Variants in LGI2 observed in about 807,000 individuals in gnomAD.
The protein encoded by LGI2 is leucine rich repeat LGI family member 2, also known as leucine-rich repeat LGI family member 2.
A neutral mutation model predicts 52.0 loss-of-function variants in LGI2; 30 were observed. The ratio of observed to expected loss-of-function variants is 0.58; its 90% CI spans 0.43 to 0.78. The LOEUF (loss-of-function observed/expected upper bound fraction) is 0.78, where lower values mean the gene tolerates loss of function less well. Ranked by LOEUF, LGI2 falls within the 30% of genes least tolerant of loss-of-function variation. The pLI, the probability that LGI2 is intolerant of heterozygous loss-of-function variation, is 0.00. For synonymous variants in LGI2, 270 were observed against 271.8 expected, an observed-to-expected ratio of 0.99 and a Z score of 0.06; for missense variants, 573 against 692.5, an observed-to-expected ratio of 0.83 and a Z score of 1.94.
Position 24,999,724 on chromosome 4 carries a change from C to T in LGI2, c.*3727G>A. On this transcript the variant is annotated 3_prime_UTR_variant, in exon 8 of 8. Coordinates refer to ENST00000382114, the MANE Select transcript of LGI2 (RefSeq NM_018176.4). ...TCATGAGCACTCCTGACCGCCAAAC[C>T]TCTGGCATCCCATGCTGATTTCTTT... 2.3e-6 allele frequency: 1 copy of T among 440,908 alleles called. No homozygotes were observed. Among genetic ancestry groups the T allele is most frequent in the Non-Finnish European group, 4.6e-6 (1 of 218,666 alleles). The allele number at this position is 440,908 out of a possible 1,614,324, so 27.3% of individuals were successfully genotyped here.
At chr4:25,010,728 G>A (rs1381549666) in intron 7 of LGI2, among the ~76,000 whole-genome samples, 1 of 152,194 alleles carries the variant, frequency 6.6e-6, no homozygotes, top group South Asian at 2.1e-4. Context: ...CTTCCAATGG[G>A]ATAAACTAGG....
At position 25,000,854 on chromosome 4, in the gene LGI2, CAGA is replaced by C. The variant is rs377673180; in HGVS notation, c.*2594_*2596del. 6.6e-5 allele frequency: 10 copies of C among 152,290 alleles called. No individual in the cohort carries two copies. The East Asian group carries it at 1.9e-3, about 29-fold the overall frequency. 9.4% of individuals were successfully genotyped at this position (152,290 alleles called of 1,614,324 possible). ...ATTATTACTGGAAGAATGCTTCTTG[CAGA>C]AGTTGTTTAAAACTTCAGGGATTCT... On this transcript the variant is annotated 3_prime_UTR_variant, in exon 8 of 8. Transcript: ENST00000382114.
chr4:25,023,351 G>A (rs970790325), intron 4 of LGI2, among the ~76,000 whole-genome samples: 3 of 152,180 alleles, frequency 2.0e-5, no homozygotes, highest in African/African-American at 4.8e-5. Context: ...TGACACTTAG[G>A]TTGAATCTGA....
downstream of LGI2, among the ~76,000 whole-genome samples, chr4:24,994,621 G>C (rs1725005362): frequency 6.6e-6 from 1 of 152,150 alleles, no homozygotes; most frequent in South Asian, 2.1e-4. Flanking sequence ...GCAAATATGT[G>C]ACCAGGTATG....
chr4:25,015,044 T>G (rs935362489), intron 6 of LGI2, among the ~76,000 whole-genome samples: 2 of 152,192 alleles, frequency 1.3e-5, no homozygotes, highest in South Asian at 4.1e-4. Context: ...TTACTAGTGT[T>G]AAAATATTAA....
At position 25,015,342 on chromosome 4, in the gene LGI2, C is replaced by T. The variant is rs192302966; in HGVS notation, c.655+2647G>A. Among the ~76,000 whole-genome samples the T allele has an allele frequency of 8.7e-3, 1,328 of 152,256 alleles. 11 individuals are homozygous for T. Among genetic ancestry groups the T allele is most frequent in the Non-Finnish European group, 0.012 (796 of 68,028 alleles). On this transcript the variant is annotated intron_variant, in intron 6 of 7. Transcript: ENST00000382114. ...TTCCTCTAAGGAATTTAGTGAATTA[C>T]CCACCTAACACAGGGAATCATCGGT... is the stretch of plus-strand genomic sequence containing the variant.
chr4:25,010,328 G>A (rs191620959), intron 7 of LGI2, among the ~76,000 whole-genome samples: 47 of 152,254 alleles, frequency 3.1e-4, no homozygotes, highest in African/African-American at 9.6e-4. Flanking sequence ...TCCTACCAAG[G>A]TCAACCTGGG....
Position 25,012,371 on chromosome 4 carries a change from T to C in LGI2, c.784A>G (p.Ile262Val). 1 of 1,614,256 alleles carries C rather than the reference T, an allele frequency of 6.2e-7. No homozygotes were observed. Among genetic ancestry groups the C allele is most frequent in the Non-Finnish European group, 8.5e-7 (1 of 1,180,040 alleles). ...TCATAGCTCCGGAAATTCATTTCAA[T>C]GTGGTCCCACTCCAGCACCATGCAG... ...ENCMVLEWDHIEMNFRSYDNI... is the reference protein window; with the variant it reads ...ENCMVLEWDHVEMNFRSYDNI... The change falls in exon 7 of 8, where the codon ATT becomes GTT. Residue 262 changes from isoleucine to valine, a missense_variant. By Grantham distance (29) the Ile-to-Val change is conservative (BLOSUM62 3). Transcript: ENST00000382114.
chr4:25,018,870 A>C (rs954939150), intron 5 of LGI2, among the ~76,000 whole-genome samples: 4 of 152,130 alleles, frequency 2.6e-5, no homozygotes, highest in African/African-American at 9.7e-5. Context: ...TAAAAAAAAA[A>C]AAAATACATC....
intron 3 of LGI2, among the ~76,000 whole-genome samples, chr4:25,025,588 T>C (rs1019282695): frequency 6.6e-6 from 1 of 151,282 alleles, no homozygotes; most frequent in African/African-American, 2.5e-5. Flanking sequence ...CTTTAAGGTC[T>C]TTGTGGGAAA....
In LGI2 at chr4:25,003,208, T is replaced by C. The variant is rs573190529; in HGVS notation, c.*243A>G. The C allele has an allele frequency of 2.4e-6, 1 of 422,040 alleles. No individual in the cohort carries two copies. Among genetic ancestry groups the C allele is most frequent in the Admixed American group, 4.1e-5 (1 of 24,566 alleles). 26.1% of individuals were successfully genotyped at this position (422,040 alleles called of 1,614,324 possible). A position where few individuals can be genotyped will look rare whatever the true frequency, so the allele number is the denominator to read the frequency against. On this transcript the variant is annotated 3_prime_UTR_variant, in exon 8 of 8. Transcript: ENST00000382114. ...ATGATAAGAGTAAATGCTGTACTCTTTTCTCAGAAATTACAGGCTTTAAGA... is the reference window on the plus strand; with the variant it reads ...ATGATAAGAGTAAATGCTGTACTCTCTTCTCAGAAATTACAGGCTTTAAGA...
intron 7 of LGI2, among the ~76,000 whole-genome samples, chr4:25,008,437 C>T (rs1725462716): frequency 6.6e-6 from 1 of 151,014 alleles, no homozygotes; most frequent in Admixed American, 6.7e-5. Flanking sequence ...CCTGTAATCC[C>T]AGATACTCGG....
At chr4:25,024,580 C>G (rs1463392324) in intron 4 of LGI2, among the ~76,000 whole-genome samples, 2 of 152,236 alleles carry the variant, frequency 1.3e-5, no homozygotes, top group African/African-American at 4.8e-5. Context: ...CAGGATGCTC[C>G]TTAATTCCCA....
intron 4 of LGI2, 49 bp from the exon 5 acceptor site, chr4:25,019,287 T>A (rs1366450720): frequency 8.0e-7 from 1 of 1,248,024 alleles, no homozygotes; most frequent in Non-Finnish European, 1.2e-6. Flanking sequence ...TCATGCCCTG[T>A]CACTCTCAAC....
chr4:25,013,168 C>A (rs1725646593), intron 6 of LGI2, among the ~76,000 whole-genome samples: 1 of 152,226 alleles, frequency 6.6e-6, no homozygotes, highest in Non-Finnish European at 1.5e-5. Context: ...CTTAGCCTAG[C>A]ACGAAGTGAG....
At chr4:25,011,311 G>A (rs566677304) in intron 7 of LGI2, among the ~76,000 whole-genome samples, 160 of 152,180 alleles carry the variant, frequency 1.1e-3, no homozygotes, top group Middle Eastern at 3.4e-3. Context: ...GCTACTCTGT[G>A]CTGAGTCTGC....
chr4:25,021,205 C>T (rs1442698861), intron 4 of LGI2, among the ~76,000 whole-genome samples: 1 of 152,144 alleles, frequency 6.6e-6, no homozygotes, highest in African/African-American at 2.4e-5. Flanking sequence ...CCCACTCACA[C>T]TAAGTGCTTA....
In LGI2 at chr4:25,030,583, G is replaced by T. The variant is rs1341343529; in HGVS notation, c.111C>A (p.Pro37=). 7 of 1,573,102 alleles carry T rather than the reference G, an allele frequency of 4.4e-6. No individual in the cohort carries two copies. Among genetic ancestry groups the T allele is most frequent in the African/African-American group, 1.3e-5 (1 of 74,332 alleles). ...ACTCCTTGGTACAGCTGCAAGTGGC[G>T]GGGCAGCGCGCCAGCCGCCTCACCT... is the stretch of plus-strand genomic sequence containing the variant. ...SAQVRRLARC[P]ATCSCTKESI... Residue 37 remains proline (P), a synonymous_variant, in exon 1 of 8, where the codon CCC becomes CCA. Coordinates refer to ENST00000382114, the MANE Select transcript of LGI2 (RefSeq NM_018176.4).
At position 24,998,979 on chromosome 4, in the gene LGI2, T is replaced by G. The variant is rs1424291486; in HGVS notation, c.*4472A>C. On this transcript the variant is annotated 3_prime_UTR_variant, in exon 8 of 8. Transcript: ENST00000382114. ...TAAAATACATCCACTGTAGTCTGCA[T>G]ACTGTAAAACTTGCTTCTTTACACA... 1 of 152,258 alleles carries G rather than the reference T, an allele frequency of 6.6e-6. No homozygotes were observed. The highest frequency in any genetic ancestry group is 1.5e-5 in the Non-Finnish European group (1 of 68,040). The allele number at this position is 152,258 out of a possible 1,614,324, so 9.4% of individuals were successfully genotyped here. A position where few individuals can be genotyped will look rare whatever the true frequency, so the allele number is the denominator to read the frequency against.
Sources: gnomAD v4.1 joint callset for allele counts (sites outside exome capture counted in the v4.1 genomes callset) on GRCh38, gnomAD v4.1.1 for gene constraint, MANE v1.5 for transcripts, NCBI Gene and HGNC (gene_info 2026-07-23, HGNC 2026-07-21) for gene names.